Variants in TAS2R1 observed in about 807,000 individuals in gnomAD.
TAS2R1 encodes the protein taste receptor type 2 member 1.
For synonymous variants in TAS2R1, 141 were observed against 134.2 expected (o/e 1.05, Z -0.35); for missense variants, 370 against 353.4 (o/e 1.05, Z -0.38).
chr5:9,877,650 G>A, the TAS2R1 span, among the ~76,000 whole-genome samples: 1 of 152,220 alleles, frequency 6.6e-6, no homozygotes, highest in Non-Finnish European at 1.5e-5. Context: ...AGTATTAAGT[G>A]CTGTCTCTGG....
At chr5:9,792,943 T>C in the TAS2R1 span, among the ~76,000 whole-genome samples, 1 of 152,154 alleles carries the variant, frequency 6.6e-6, no homozygotes, top group African/African-American at 2.4e-5. Flanking sequence ...GATCCCACAA[T>C]TAAAAGCAAA....
intron 1 of TAS2R1, among the ~76,000 whole-genome samples, chr5:9,684,483 G>A (rs936534877): frequency 6.6e-6 from 1 of 152,176 alleles, no homozygotes; most frequent in Non-Finnish European, 1.5e-5. Flanking sequence ...TAGTTTTGCT[G>A]CACTGAAGGG....
intron 1 of TAS2R1, among the ~76,000 whole-genome samples, chr5:9,684,757 G>T (rs957062277): frequency 6.6e-6 from 1 of 151,966 alleles, no homozygotes; most frequent in African/African-American, 2.4e-5. Context: ...TGAAATGATA[G>T]ATATAATTAC....
chr5:9,729,745 T>C, the TAS2R1 span, among the ~76,000 whole-genome samples: 2 of 152,220 alleles, frequency 1.3e-5, no homozygotes, highest in Non-Finnish European at 2.9e-5. Flanking sequence ...ACTTTCATCC[T>C]CAACGACTTA....
intron 2 of TAS2R1, among the ~76,000 whole-genome samples, chr5:9,651,777 T>G (rs1475356836): frequency 6.6e-6 from 1 of 152,114 alleles, no homozygotes; most frequent in African/African-American, 2.4e-5. Flanking sequence ...ACCAAAGCTC[T>G]GACTGCCACT....
the TAS2R1 span, among the ~76,000 whole-genome samples, chr5:9,743,305 A>G: frequency 7.0e-6 from 1 of 143,874 alleles, no homozygotes; most frequent in African/African-American, 2.5e-5. Context: ...GAGCAGTGCT[A>G]TTCTTTTTTT....
the TAS2R1 span, among the ~76,000 whole-genome samples, chr5:9,862,086 A>C: frequency 6.6e-6 from 1 of 152,130 alleles, no homozygotes; most frequent in South Asian, 2.1e-4. Context: ...CCAGATGATA[A>C]AGCAGAGCAG....
chr5:9,699,013 G>A (rs546942527), intron 1 of TAS2R1, among the ~76,000 whole-genome samples: 1 of 152,238 alleles, frequency 6.6e-6, no homozygotes, highest in African/African-American at 2.4e-5. Flanking sequence ...GACACTTCTT[G>A]AGAACTAAGC....
chr5:9,667,370 C>T (rs16883340), intron 1 of TAS2R1, among the ~76,000 whole-genome samples: 6,879 of 152,238 alleles, frequency 0.045, 196 homozygotes, highest in Middle Eastern at 0.085. Context: ...AGGGTACAGC[C>T]TCCTGTTGCC....
chr5:9,760,880 A>C, the TAS2R1 span: 6 of 152,358 alleles, frequency 3.9e-5, no homozygotes, highest in East Asian at 7.7e-4. Flanking sequence ...AGGGTTATAC[A>C]GATTGGAAAG....
the TAS2R1 span, among the ~76,000 whole-genome samples, chr5:9,888,579 G>A: frequency 6.6e-6 from 1 of 152,170 alleles, no homozygotes; most frequent in Non-Finnish European, 1.5e-5. Context: ...TTCACAGGGT[G>A]GACCCAAAGC....
intron 2 of TAS2R1, among the ~76,000 whole-genome samples, chr5:9,649,513 C>T (rs1168645579): frequency 6.6e-6 from 1 of 152,162 alleles, no homozygotes; most frequent in African/African-American, 2.4e-5. Flanking sequence ...GGCTTTCCTA[C>T]AACCTCTTTG....
At chr5:9,881,716 C>T in the TAS2R1 span, among the ~76,000 whole-genome samples, 1,282 of 152,256 alleles carry the variant, frequency 8.4e-3, 13 homozygotes, top group African/African-American at 0.029. Context: ...CATCTACAAT[C>T]ACCTTATCTT....
chr5:9,645,036 A>C (rs1034658216), intron 2 of TAS2R1, among the ~76,000 whole-genome samples: 1 of 152,144 alleles, frequency 6.6e-6, no homozygotes, highest in Non-Finnish European at 1.5e-5. Flanking sequence ...AAAGATTGTT[A>C]AGCTTTTCTT....
At chr5:9,651,875 A>C (rs948113549) in intron 2 of TAS2R1, among the ~76,000 whole-genome samples, 3 of 152,130 alleles carry the variant, frequency 2.0e-5, no homozygotes, top group Non-Finnish European at 4.4e-5. Context: ...CCCACCAACA[A>C]GCCCTGAGCG....
In TAS2R1 at chr5:9,629,592, A is replaced by G; in HGVS notation, c.441T>C (p.Tyr147=). Residue 147 remains tyrosine (Y), a synonymous_variant, in exon 1 of 1, where the codon TAT becomes TAC. Transcript: ENST00000382492. ...GGAAGTATGGGACCATAAACCCTGC[A>G]TATTTGCTATGGAAAACACAAATCA... ...VSMICVFHSK[Y]AGFMVPYFLR... 1 of 1,614,196 alleles carries G rather than the reference A, an allele frequency of 6.2e-7. No individual in the cohort carries two copies. The highest frequency in any genetic ancestry group is 8.5e-7 in the Non-Finnish European group (1 of 1,180,036).
upstream of TAS2R1, among the ~76,000 whole-genome samples, chr5:9,632,915 C>A (rs1380537148): frequency 6.6e-6 from 1 of 151,828 alleles, no homozygotes; most frequent in Non-Finnish European, 1.5e-5. Context: ...CCATGAATCA[C>A]TTCTTAGTGG....
At chr5:9,875,386 C>T in the TAS2R1 span, among the ~76,000 whole-genome samples, 1 of 152,204 alleles carries the variant, frequency 6.6e-6, no homozygotes, top group African/African-American at 2.4e-5. Context: ...CTTGCAACTT[C>T]AGGTTTAGAC....
intron 1 of TAS2R1, among the ~76,000 whole-genome samples, chr5:9,702,000 G>T (rs543227022): frequency 2.2e-4 from 33 of 152,308 alleles, no homozygotes; most frequent in African/African-American, 7.9e-4. Context: ...ACAGAAGTTA[G>T]ATTTCCCATC....
Sources: allele counts gnomAD v4.1 joint callset (sites outside exome capture counted in the v4.1 genomes callset), GRCh38; gene constraint gnomAD v4.1.1; transcripts MANE v1.5; gene names NCBI Gene and HGNC (gene_info 2026-07-23, HGNC 2026-07-21).